The following SCGB2B2 variants were observed in gnomAD, a reference collection of about 807,000 sequenced individuals.
The protein encoded by SCGB2B2 is secretoglobin family 2B member 2.
A neutral mutation model predicts 7.6 loss-of-function variants in SCGB2B2; 11 were observed. That is an observed-to-expected ratio of 1.45 (90% CI 0.91 to 2.40). The LOEUF (loss-of-function observed/expected upper bound fraction) is 2.40. Among genes scored for constraint, SCGB2B2 ranks in the 30% most tolerant of loss-of-function variants. SCGB2B2 has a pLI of 0.00. For missense variants in SCGB2B2, 104 were observed against 115.4 expected (o/e 0.90, Z 0.45); for synonymous variants, 50 against 48.6 (o/e 1.03, Z -0.12).
chr19:34,624,145 C>A (rs2145910822), intron 1 of SCGB2B2, among the ~76,000 whole-genome samples: 1 of 152,330 alleles, frequency 6.6e-6, no homozygotes, highest in South Asian at 2.1e-4. Context: ...TCTTTCTAGG[C>A]AGAGAGGTGT....
chr19:34,604,699 A>C (rs893546884), intron 1 of SCGB2B2, among the ~76,000 whole-genome samples: 2 of 152,160 alleles, frequency 1.3e-5, no homozygotes, highest in Admixed American at 6.5e-5. Context: ...AATCCTTTGA[A>C]ATTTGTTGAG....
chr19:34,642,258 G>A (rs1207033924), intron 1 of SCGB2B2, among the ~76,000 whole-genome samples: 1 of 152,114 alleles, frequency 6.6e-6, no homozygotes, highest in African/African-American at 2.4e-5. Flanking sequence ...GTATCACTGG[G>A]GACTCCTGCA....
intron 1 of SCGB2B2, among the ~76,000 whole-genome samples, chr19:34,668,472 G>A (rs148234380): frequency 3.9e-5 from 6 of 152,282 alleles, no homozygotes; most frequent in Admixed American, 6.5e-5. Context: ...CGAGACGAGC[G>A]CCGCCCCCTG....
Position 34,648,621 on chromosome 19 carries a change from A to C in SCGB2B2, c.-2032+27009T>G, listed in dbSNP as rs564701521. Among the ~76,000 whole-genome samples, 34 of 151,604 alleles carry C rather than the reference A, an allele frequency of 2.2e-4. No individual in the cohort carries two copies. The East Asian group carries it at 2.7e-3, about 12-fold the overall frequency. On this transcript the variant is annotated intron_variant, in intron 1 of 3. Transcript: ENST00000601241. ...TATGCTTTTTAAATTAATTTTGTTC[A>C]TATTTATCTAGATGGCAAATCCACA...
chr19:34,625,081 ACTGAGTAACATTT>A (rs1189971279), intron 1 of SCGB2B2, among the ~76,000 whole-genome samples: 6 of 152,188 alleles, frequency 3.9e-5, no homozygotes, highest in African/African-American at 1.4e-4. Context: ...TGCTTATTCT[ACTGAGTAACATTT>A]CTGCAGTTTG....
At position 34,666,274 on chromosome 19, in the gene SCGB2B2, C is replaced by T. The variant is rs775415898; in HGVS notation, c.-2032+9356G>A. The stretch of plus-strand genomic sequence containing the variant: ...GGCCGGTCCCAGCCACAATCACACC[C>T]GCATATTCAGATAATCACAGACGCT... On this transcript the variant is annotated intron_variant, in intron 1 of 3. Coordinates refer to ENST00000601241, the MANE Select transcript of SCGB2B2 (RefSeq NM_001025591.4). 2.5e-4 allele frequency among the ~76,000 whole-genome samples: 38 copies of T among 152,042 alleles called. 1 individual carries two copies. The highest frequency in any genetic ancestry group is 2.4e-3 in the Admixed American group (37 of 15,268).
At chr19:34,642,525 C>G (rs1032026078) in intron 1 of SCGB2B2, among the ~76,000 whole-genome samples, 1 of 151,740 alleles carries the variant, frequency 6.6e-6, no homozygotes, top group Non-Finnish European at 1.5e-5. Context: ...ACTAGCCTGG[C>G]CAACATGGTG....
chr19:34,595,688 T>C lies in SCGB2B2; in HGVS notation c.-1125A>G, dbSNP rs1292655976. Reference sequence around the variant, plus strand: ...TTCCCGTATTTTTATGGCCAGTTTATACAGGCACCCCACAAGCCCTTTTCC... The same window carrying C: ...TTCCCGTATTTTTATGGCCAGTTTACACAGGCACCCCACAAGCCCTTTTCC... On this transcript the variant is annotated 5_prime_UTR_variant, in exon 2 of 4. Transcript: ENST00000601241. The C allele has an allele frequency of 6.6e-6, 1 of 152,232 alleles. No homozygotes were observed. Among genetic ancestry groups the C allele is most frequent in the Admixed American group, 6.5e-5 (1 of 15,284 alleles). The allele number at this position is 152,232 out of a possible 1,614,324, so 9.4% of individuals were successfully genotyped here. A position where few individuals can be genotyped will look rare whatever the true frequency, so the allele number is the denominator to read the frequency against.
intron 1 of SCGB2B2, among the ~76,000 whole-genome samples, chr19:34,600,364 TTGA>T (rs1296325543): frequency 1.3e-5 from 2 of 152,234 alleles, no homozygotes; most frequent in Non-Finnish European, 2.9e-5. Flanking sequence ...CTTTCATATG[TTGA>T]TGTCTTGTAC....
intron 1 of SCGB2B2, among the ~76,000 whole-genome samples, chr19:34,636,922 G>A (rs1428837936): frequency 2.6e-5 from 4 of 152,250 alleles, no homozygotes; most frequent in Non-Finnish European, 5.9e-5. Context: ...ACCTGAGTCT[G>A]GGAAGATGCA....
At chr19:34,603,444 T>C (rs925524493) in intron 1 of SCGB2B2, among the ~76,000 whole-genome samples, 16 of 152,214 alleles carry the variant, frequency 1.1e-4, no homozygotes, top group Non-Finnish European at 2.4e-4. Flanking sequence ...ATGGTCCTAA[T>C]CATGTCTTCA....
At chr19:34,604,546 A>C (rs11672760) in intron 1 of SCGB2B2, among the ~76,000 whole-genome samples, 48,139 of 152,082 alleles carry the variant, frequency 0.32, 8,464 homozygotes, top group Middle Eastern at 0.48. Context: ...TTGTCATTTT[A>C]ATCTATTGAA....
At chr19:34,604,361 A>T (rs970020017) in intron 1 of SCGB2B2, among the ~76,000 whole-genome samples, 5 of 152,296 alleles carry the variant, frequency 3.3e-5, no homozygotes, top group Middle Eastern at 3.4e-3. Context: ...TTAGTAAGTG[A>T]TGGTTCTTTA....
chr19:34,675,449 G>C (rs1029102097), intron 1 of SCGB2B2, among the ~76,000 whole-genome samples, 181 bp downstream of exon 1: 9 of 152,194 alleles, frequency 5.9e-5, no homozygotes, highest in Non-Finnish European at 1.0e-4. Context: ...ATCTTGAATA[G>C]GGCCTGGGTA....
chr19:34,608,926 T>G (rs2065857341), intron 1 of SCGB2B2, among the ~76,000 whole-genome samples: 1 of 151,974 alleles, frequency 6.6e-6, no homozygotes, highest in South Asian at 2.1e-4. Context: ...CTATCCTAAT[T>G]TACATTCCTA....
chr19:34,594,088 A>T, intron 3 of SCGB2B2, 87 bp downstream of exon 3: 13 of 1,107,136 alleles, frequency 1.2e-5, no homozygotes, highest in Non-Finnish European at 1.6e-5. Flanking sequence ...TAAAACGTGG[A>T]AAGCAGGATG....
chr19:34,628,629 C>G (rs1354190998), intron 1 of SCGB2B2, among the ~76,000 whole-genome samples: 1 of 151,786 alleles, frequency 6.6e-6, no homozygotes. Flanking sequence ...TCACTAATAG[C>G]CTACCAACCA....
At chr19:34,627,978 C>A (rs142042353) in intron 1 of SCGB2B2, among the ~76,000 whole-genome samples, 1 of 152,222 alleles carries the variant, frequency 6.6e-6, no homozygotes, top group South Asian at 2.1e-4. Flanking sequence ...CACTTAAAAC[C>A]GCTCAACTAC....
intron 1 of SCGB2B2, among the ~76,000 whole-genome samples, chr19:34,673,968 C>T (rs2067862321): frequency 6.6e-6 from 1 of 152,206 alleles, no homozygotes. Context: ...CACAGGAATG[C>T]TTTTTATGAG....
Sources: allele counts gnomAD v4.1 joint callset (sites outside exome capture counted in the v4.1 genomes callset), GRCh38; gene constraint gnomAD v4.1.1; transcripts MANE v1.5; gene names NCBI Gene and HGNC (gene_info 2026-07-23, HGNC 2026-07-21).